EHBP1: variants seen among roughly 807,000 people sequenced by gnomAD.
EHBP1 encodes EH domain binding protein 1, also known as EH domain-binding protein 1.
Under a neutral mutation model 144.0 loss-of-function variants are expected in EHBP1, and 55 were observed. The observed-to-expected ratio is 0.38, with a 90% CI of 0.31 to 0.48. The LOEUF (loss-of-function observed/expected upper bound fraction) is 0.48. Among genes scored for constraint, EHBP1 ranks in the 20% least tolerant of loss-of-function variants. EHBP1 has a pLI of 0.98. For missense variants in EHBP1, 1,200 were observed against 1,364.2 expected (o/e 0.88, Z 1.90); for synonymous variants, 469 against 472.7 (o/e 0.99, Z 0.10).
intron 10 of EHBP1, among the ~76,000 whole-genome samples, chr2:62,904,677 C>T (rs947062405): frequency 2.0e-5 from 3 of 152,200 alleles, no homozygotes; most frequent in Non-Finnish European, 4.4e-5. Flanking sequence ...GCTGACCTAA[C>T]TCAAGTTATA....
intron 5 of EHBP1, among the ~76,000 whole-genome samples, chr2:62,813,515 G>A (rs1478685668): frequency 6.6e-6 from 1 of 152,128 alleles, no homozygotes; most frequent in African/African-American, 2.4e-5. Flanking sequence ...TGGGGGTGAG[G>A]CCACCTGAGA....
intron 15 of EHBP1, among the ~76,000 whole-genome samples, chr2:62,979,948 TG>T (rs1482849007): frequency 2.6e-5 from 4 of 152,188 alleles, no homozygotes; most frequent in Non-Finnish European, 5.9e-5. Context: ...TGGACATCTT[TG>T]GAACATTTTA....
chr2:62,851,898 A>G (rs1453257043), intron 7 of EHBP1, among the ~76,000 whole-genome samples: 2 of 152,184 alleles, frequency 1.3e-5, no homozygotes, highest in Non-Finnish European at 2.9e-5. Flanking sequence ...ATTACTTTGA[A>G]TTAGTTAATG....
At chr2:62,675,498 G>A (rs1558501655) in intron 1 of EHBP1, among the ~76,000 whole-genome samples, 1 of 152,144 alleles carries the variant, frequency 6.6e-6, no homozygotes, top group Non-Finnish European at 1.5e-5. Flanking sequence ...ATATGCAAAG[G>A]ATAATGAAAA....
rs759629964 is a variant in EHBP1 at position 62,948,601 on chromosome 2, G to A, written c.1755G>A (p.Gly585=). ...QDDSVFVNDS[G]VGESESEHQT... Reference sequence around the variant, plus strand: ...ACTCTGTATTTGTAAATGATAGCGGGGTTGGAGAGTCAGAAAGTGAGCATC... The same window carrying A: ...ACTCTGTATTTGTAAATGATAGCGGAGTTGGAGAGTCAGAAAGTGAGCATC... Residue 585 remains glycine (G), a synonymous_variant, in exon 13 of 23, where the codon GGG becomes GGA. Coordinates refer to ENST00000431489, the MANE Select transcript of EHBP1 (RefSeq NM_001142616.3). 8.1e-6 allele frequency: 13 copies of A among 1,613,944 alleles called. No individual in the cohort carries two copies. Among genetic ancestry groups the A allele is most frequent in the African/African-American group, 6.7e-5 (5 of 75,038 alleles).
rs1286451524 is a variant in EHBP1, at chr2:62,993,654, T to A, written c.2858T>A (p.Ile953Asn). 6.2e-7 allele frequency: 1 copy of A among 1,604,028 alleles called. No homozygotes were observed. The highest frequency in any genetic ancestry group is 1.7e-5 in the Admixed American group (1 of 59,496). Residue 953 changes from isoleucine (I) to asparagine (N), a missense_variant, in exon 17 of 23, where the codon ATT (isoleucine) becomes AAT (asparagine). Ile to Asn is a moderately radical substitution (Grantham distance 149). Coordinates refer to ENST00000431489, the MANE Select transcript of EHBP1 (RefSeq NM_001142616.3). Reference protein sequence around the residue: ...KTQLQSFSQYIENRPEMKRQR... With the variant: ...KTQLQSFSQYNENRPEMKRQR... ...CAACTTCAGTCTTTCAGCCAATATA[T>A]TGAGAATAGACCAGGTAGAACACTT...
At chr2:62,721,842 A>AGAG (rs984733575) in intron 2 of EHBP1, among the ~76,000 whole-genome samples, 2 of 152,188 alleles carry the variant, frequency 1.3e-5, no homozygotes, top group African/African-American at 4.8e-5. Flanking sequence ...CCTTTTGTAC[A>AGAG]GAGGTTCTGA....
At chr2:62,692,442 G>A (rs1484054374) in intron 1 of EHBP1, among the ~76,000 whole-genome samples, 1 of 152,152 alleles carries the variant, frequency 6.6e-6, no homozygotes, top group African/African-American at 2.4e-5. Context: ...ACCATTTTGA[G>A]GAATTGCCAA....
At chr2:63,025,785 CTT>C (rs2060948916) in intron 19 of EHBP1, among the ~76,000 whole-genome samples, 1 of 152,140 alleles carries the variant, frequency 6.6e-6, no homozygotes, top group Admixed American at 6.5e-5. Flanking sequence ...ATGAAAGTAA[CTT>C]AATCCTTGGG....
chr2:62,994,348 C>T (rs1173048963), intron 18 of EHBP1, among the ~76,000 whole-genome samples: 1 of 152,066 alleles, frequency 6.6e-6, no homozygotes, highest in East Asian at 1.9e-4. Context: ...TCTCAGCCAA[C>T]CCATTTTGTT....
chr2:62,773,871 AAAAAAAAAAAAAAAGAG>A (rs2041863016), intron 5 of EHBP1, among the ~76,000 whole-genome samples: 5 of 127,550 alleles, frequency 3.9e-5, no homozygotes, highest in African/African-American at 1.4e-4. Flanking sequence ...AAAAAAAAAA[AAAAAAAAAAAAAAAGAG>A]AGAGAGAAGA....
intron 19 of EHBP1, among the ~76,000 whole-genome samples, chr2:63,028,379 T>A (rs2061078704): frequency 6.6e-6 from 1 of 152,184 alleles, no homozygotes; most frequent in South Asian, 2.1e-4. Context: ...AACTCATCCC[T>A]TATTGGAAAC....
chr2:62,731,481 TC>T (rs779506861), intron 2 of EHBP1, among the ~76,000 whole-genome samples: 11 of 152,194 alleles, frequency 7.2e-5, no homozygotes, highest in Non-Finnish European at 1.5e-4. Flanking sequence ...CTTGCCTTAT[TC>T]CTTGGCAGGA....
chr2:62,904,887 A>G (rs2053678519), intron 10 of EHBP1, among the ~76,000 whole-genome samples: 1 of 152,168 alleles, frequency 6.6e-6, no homozygotes, highest in African/African-American at 2.4e-5. Flanking sequence ...TAGAGTAGTA[A>G]ACAAGAGCAA....
chr2:62,864,822 G>A lies in EHBP1; in HGVS notation c.849G>A (p.Gln283=), dbSNP rs754401989. 10 of 1,613,912 alleles carry A rather than the reference G, an allele frequency of 6.2e-6. No homozygotes were observed. The highest frequency in any genetic ancestry group is 1.3e-5 in the African/African-American group (1 of 74,894). Residue 283 remains glutamine (Q), a synonymous_variant, in exon 9 of 23, where the codon CAG becomes CAA. Transcript: ENST00000431489. The part of the protein sequence containing the change: ...YNPFKEVQTP[Q]YLNPFDEPEA... ...CCTTTAAAGAGGTGCAGACTCCACAGTATTTGAACCCATTCGATGAGCCAG... is the reference window on the plus strand; with the variant it reads ...CCTTTAAAGAGGTGCAGACTCCACAATATTTGAACCCATTCGATGAGCCAG...
intron 3 of EHBP1, among the ~76,000 whole-genome samples, chr2:62,749,397 T>A (rs1395396014): frequency 6.6e-6 from 1 of 152,252 alleles, no homozygotes; most frequent in African/African-American, 2.4e-5. Flanking sequence ...AATGGACATT[T>A]GGGTTGGTTC....
intron 2 of EHBP1, among the ~76,000 whole-genome samples, chr2:62,715,336 G>A (rs2035562746): frequency 6.6e-6 from 1 of 151,908 alleles, no homozygotes; most frequent in Non-Finnish European, 1.5e-5. Context: ...GGATGGTCTC[G>A]ATCTCCTGAC....
intron 10 of EHBP1, among the ~76,000 whole-genome samples, chr2:62,884,302 A>G (rs890262116): frequency 6.6e-6 from 1 of 152,230 alleles, no homozygotes; most frequent in African/African-American, 2.4e-5. Flanking sequence ...TTATGCTAAT[A>G]GAGGTGAGTA....
At chr2:62,891,584 C>G (rs1448702620) in intron 10 of EHBP1, among the ~76,000 whole-genome samples, 2 of 152,038 alleles carry the variant, frequency 1.3e-5, no homozygotes, top group East Asian at 3.9e-4. Flanking sequence ...AATAGATATT[C>G]TTTAACTGGC....
Sources: allele counts gnomAD v4.1 joint callset (sites outside exome capture counted in the v4.1 genomes callset), GRCh38; gene constraint gnomAD v4.1.1; transcripts MANE v1.5; gene names NCBI Gene and HGNC (gene_info 2026-07-23, HGNC 2026-07-21).